Variants in PTPRS observed in about 807,000 individuals in gnomAD.
The protein encoded by PTPRS is receptor-type tyrosine-protein phosphatase S.
Under a neutral mutation model 215.3 loss-of-function variants are expected in PTPRS, and 63 were observed. The ratio of observed to expected loss-of-function variants is 0.29; its 90% CI spans 0.24 to 0.36. The LOEUF is 0.36. PTPRS is among the 10% of genes least tolerant of loss of function. The probability of loss-of-function intolerance (pLI) is 1.00; values close to 1 mark genes in which losing one functional copy is unlikely to be tolerated. For synonymous variants in PTPRS, 1,404 were observed against 1,191.4 expected (o/e 1.18, Z -3.68); for missense variants, 2,258 against 2,825.8 (o/e 0.80, Z 4.56).
At chr19:5,316,640 G>A (rs1028433728) in intron 1 of PTPRS, among the ~76,000 whole-genome samples, 8 of 152,066 alleles carry the variant, frequency 5.3e-5, no homozygotes, top group Non-Finnish European at 1.5e-5. Context: ...TGATCCACCC[G>A]CCTTGGCCTC....
chr19:5,258,255 G>A (rs1323418095), intron 7 of PTPRS, 128 bp from the exon 8 acceptor site: 4 of 754,652 alleles, frequency 5.3e-6, no homozygotes, highest in East Asian at 2.6e-5. Context: ...CAGATAAGAG[G>A]TGAGAAAACC....
chr19:5,227,566 C>T (rs2042611905), intron 16 of PTPRS, among the ~76,000 whole-genome samples: 1 of 152,092 alleles, frequency 6.6e-6, no homozygotes, highest in Non-Finnish European at 1.5e-5. Context: ...AGGCATGCGC[C>T]ACCACGCCTG....
At position 5,339,771 on chromosome 19, in the gene PTPRS, C is replaced by T. The variant is rs1482822357; in HGVS notation, c.-95+893G>A. Among the ~76,000 whole-genome samples the T allele has an allele frequency of 6.6e-6, 1 of 151,814 alleles. No homozygotes were observed. Among genetic ancestry groups the T allele is most frequent in the African/African-American group, 2.4e-5 (1 of 41,388 alleles). On this transcript the variant is annotated intron_variant, in intron 1 of 37. Coordinates refer to ENST00000262963, the MANE Select transcript of PTPRS (RefSeq NM_002850.4). The surrounding 1 kb of genome is among the most constrained non-coding windows in gnomAD (Gnocchi z 4.2). ...ACGTCACCTCCCCTCCCCCCGCAGC[C>T]CCCGGGGGCTCCCGGGGCGTGCGGA... is the stretch of plus-strand genomic sequence containing the variant.
chr19:5,218,858 G>A (rs970125672), intron 23 of PTPRS, 60 bp from the exon 24 acceptor site: 8 of 1,525,672 alleles, frequency 5.2e-6, no homozygotes, highest in African/African-American at 1.4e-5. Context: ...GTGAGGGTGT[G>A]CCGGCCATCA....
chr19:5,231,499 C>T lies in PTPRS; in HGVS notation c.1966G>A (p.Val656Ile). The T allele has an allele frequency of 1.2e-6, 2 of 1,612,408 alleles. No homozygotes were observed. The highest frequency in any genetic ancestry group is 1.7e-6 in the Non-Finnish European group (2 of 1,179,856). ...TCTGAGCCCAGCGGTCGGTAGCGGACGCTGTAGCCCACCAGGGCCCCGTTG... is the reference window on the plus strand; with the variant it reads ...TCTGAGCCCAGCGGTCGGTAGCGGATGCTGTAGCCCACCAGGGCCCCGTTG... The part of the protein sequence containing the change: ...THNGALVGYS[V>I]RYRPLGSEDP... The change falls in exon 14 of 38, where the codon GTC becomes ATC. Residue 656 changes from valine (V) to isoleucine (I), a missense_variant. Transcript: ENST00000262963.
intron 1 of PTPRS, among the ~76,000 whole-genome samples, chr19:5,306,168 G>A (rs865993719): frequency 4.8e-5 from 7 of 145,540 alleles, no homozygotes; most frequent in Admixed American, 2.8e-4. Flanking sequence ...TTTTTGAGAC[G>A]GAGTCTCACT....
chr19:5,267,861 A>G (rs1452349188), intron 4 of PTPRS, among the ~76,000 whole-genome samples: 1 of 152,104 alleles, frequency 6.6e-6, no homozygotes, highest in East Asian at 1.9e-4. Context: ...ACAGCCCTGT[A>G]GCTGTATTTA....
At chr19:5,214,848 A>G (rs2041270849) in intron 28 of PTPRS, 112 bp from the exon 29 acceptor site, 3 of 1,120,324 alleles carry the variant, frequency 2.7e-6, no homozygotes, top group Admixed American at 2.6e-5. Flanking sequence ...ATTGTCCCCA[A>G]GGTGACCATG....
At chr19:5,330,930 G>A (rs1306210522) in intron 1 of PTPRS, among the ~76,000 whole-genome samples, 1 of 152,028 alleles carries the variant, frequency 6.6e-6, no homozygotes, top group African/African-American at 2.4e-5. Flanking sequence ...ATCCGACAGG[G>A]GCAATTACCC....
rs74747934 is a variant in PTPRS, at chr19:5,336,098, T to A, written c.-95+4566A>T. Reference sequence around the variant, plus strand: ...CGTGAATCACTCCTACCCGTTAATTTTCGCCTTTGGAGAAGTGTAAGCCAA... The same window carrying A: ...CGTGAATCACTCCTACCCGTTAATTATCGCCTTTGGAGAAGTGTAAGCCAA... On this transcript the variant is annotated intron_variant, in intron 1 of 37. Transcript: ENST00000262963. 8.2e-3 allele frequency among the ~76,000 whole-genome samples: 1,253 copies of A among 152,010 alleles called. 11 individuals are homozygous for A. The highest frequency in any genetic ancestry group is 0.013 in the Non-Finnish European group (857 of 67,932).
In PTPRS at chr19:5,207,907, C is replaced by G; in HGVS notation, c.5778+15G>C. On this transcript the variant is annotated intron_variant, in intron 37 of 37. Coordinates refer to ENST00000262963, the MANE Select transcript of PTPRS (RefSeq NM_002850.4). ...CGTGAGGCCAGGCTGCCTCCCCTCC[C>G]TGTCCCATCTTTACCTCTGTCTGCA... is the stretch of plus-strand genomic sequence containing the variant. The G allele has an allele frequency of 2.5e-6, 4 of 1,612,362 alleles. No individual in the cohort carries two copies. Among genetic ancestry groups the G allele is most frequent in the Non-Finnish European group, 3.4e-6 (4 of 1,179,348 alleles).
At chr19:5,283,358 C>T (rs1250817909) in intron 2 of PTPRS, among the ~76,000 whole-genome samples, 3 of 152,330 alleles carry the variant, frequency 2.0e-5, no homozygotes, top group African/African-American at 7.2e-5. Flanking sequence ...GGGCAGACCA[C>T]CTGAGGTCAG....
chr19:5,278,090 A>G (rs1216775207), intron 2 of PTPRS: 3 of 782,702 alleles, frequency 3.8e-6, no homozygotes, highest in Non-Finnish European at 6.2e-6. Flanking sequence ...AGCTGCCGTC[A>G]GAGTCACCAA....
chr19:5,306,814 C>A lies in PTPRS; in HGVS notation c.-94-20580G>T, dbSNP rs369739687. Among the ~76,000 whole-genome samples the A allele has an allele frequency of 3.1e-4, 47 of 152,264 alleles. No homozygotes were observed. In the South Asian group the frequency reaches 8.9e-3, roughly 29 times the overall value. On this transcript the variant is annotated intron_variant, in intron 1 of 37. Coordinates refer to ENST00000262963, the MANE Select transcript of PTPRS (RefSeq NM_002850.4). ...CTACACAGTCGGAAATGAGTAGGTC[C>A]TAATAGTCCCCGAGGAGACAATTGG...
rs1447660646 is a variant in PTPRS, at chr19:5,219,333, G to A, written c.3900C>T (p.Val1300=). 3 of 1,614,124 alleles carry A rather than the reference G, an allele frequency of 1.9e-6. No individual in the cohort carries two copies. Among genetic ancestry groups the A allele is most frequent in the Non-Finnish European group, 2.5e-6 (3 of 1,180,022 alleles). The part of the protein sequence containing the change: ...VLAVVFIICI[V]IAILLYKNKP... ...ACTTCTTGTAGAGCAGGATAGCAAT[G>A]ACAATGCAGATTATGAAGACCACGG... The change falls in exon 23 of 38, where the codon GTC becomes GTT. Residue 1300 remains valine (V), a synonymous_variant. Transcript: ENST00000262963.
intron 5 of PTPRS, 52 bp downstream of exon 5, chr19:5,264,956 A>G (rs4807017): frequency 0.69 from 1,092,172 of 1,591,356 alleles, 377,089 homozygotes; most frequent in East Asian, 0.82. Flanking sequence ...GATGCTCCCC[A>G]CCCCCTGCTG....
intron 1 of PTPRS, among the ~76,000 whole-genome samples, chr19:5,326,371 C>T (rs868736773): frequency 6.6e-6 from 1 of 152,238 alleles, no homozygotes; most frequent in Non-Finnish European, 1.5e-5. Flanking sequence ...CTGGAACAGA[C>T]AGAGGCAAAA....
rs1460411052 is a variant in PTPRS, at chr19:5,216,732, A to G, written c.4084T>C (p.Phe1362Leu). 3.2e-6 allele frequency: 5 copies of G among 1,575,592 alleles called. No homozygotes were observed. The African/African-American group carries it at 6.8e-5, about 21-fold the overall frequency. The change falls in exon 26 of 38, where the codon TTT (phenylalanine) becomes CTT (leucine). Residue 1362 changes from phenylalanine to leucine, a missense_variant. Phe to Leu is a conservative substitution (Grantham distance 22). Around this residue, in one of 6 missense-constraint regions of PTPRS, gnomAD observed 927 missense variants for 1,125.9 expected, o/e 0.82. Transcript: ENST00000262963. ...GLRSPLREPG[F>L]HFESMLSHPP... is the part of the protein sequence containing the mutation. ...CACAAGAACTAACTTTCAAAGTGAA[A>G]CCCCGGCTCCCTGAGGGGGCTCCTG... is the stretch of plus-strand genomic sequence containing the variant.
rs760082587 is a variant in PTPRS, at chr19:5,244,443, T to C, written c.1028A>G (p.Asn343Ser). ...KAPGTPMVTE[N>S]TATSITITWD... is the part of the protein sequence containing the mutation. The stretch of plus-strand genomic sequence containing the variant: ...CGTGATGGTGATGCTGGTGGCTGTG[T>C]TCTCAGTCACCATGGGAGTCCCGGG... Residue 343 changes from asparagine to serine, a missense_variant, in exon 11 of 38, where the codon AAC becomes AGC. By Grantham distance (46) the Asn-to-Ser change is conservative (BLOSUM62 1). This residue lies in a region of PTPRS where 508 missense variants were observed against 799.4 expected (regional missense o/e 0.64). Coordinates refer to ENST00000262963, the MANE Select transcript of PTPRS (RefSeq NM_002850.4). The surrounding 1 kb of genome is among the most constrained non-coding windows in gnomAD (Gnocchi z 7.2). 8 of 1,614,026 alleles carry C rather than the reference T, an allele frequency of 5.0e-6. No homozygotes were observed. Among genetic ancestry groups the C allele is most frequent in the African/African-American group, 2.7e-5 (2 of 74,936 alleles).
Sources: allele counts gnomAD v4.1 joint callset (sites outside exome capture counted in the v4.1 genomes callset), GRCh38; gene constraint gnomAD v4.1.1; regional missense constraint gnomAD v4.1.1; non-coding constraint Gnocchi (gnomAD v3.1); transcripts MANE v1.5; gene names NCBI Gene and HGNC (gene_info 2026-07-23, HGNC 2026-07-21).